Variants in PLA2G12A observed in about 807,000 individuals in gnomAD.
PLA2G12A encodes group XIIA secretory phospholipase A2.
Under a neutral mutation model 16.0 loss-of-function variants are expected in PLA2G12A, and 11 were observed. The ratio of observed to expected loss-of-function variants is 0.69; its 90% CI spans 0.43 to 1.13. The LOEUF is 1.13. PLA2G12A is among the 50% of genes most tolerant of loss of function. The pLI is 0.00. For missense variants in PLA2G12A, 214 were observed against 237.3 expected (o/e 0.90, Z 0.65); for synonymous variants, 77 against 93.8 (o/e 0.82, Z 1.03).
chr4:109,728,458 C>T (rs989948235), intron 1 of PLA2G12A, among the ~76,000 whole-genome samples: 1 of 152,212 alleles, frequency 6.6e-6, no homozygotes, highest in Non-Finnish European at 1.5e-5. Flanking sequence ...ACTTAATCCT[C>T]CGAACAAGTT....
Position 109,713,577 on chromosome 4 carries a change from A to G in PLA2G12A, c.*800T>C, listed in dbSNP as rs540165639. 1 of 152,378 alleles carries G rather than the reference A, an allele frequency of 6.6e-6. No homozygotes were observed. Among genetic ancestry groups the G allele is most frequent in the Admixed American group, 6.5e-5 (1 of 15,300 alleles). The allele number at this position is 152,378 out of a possible 1,614,324, so 9.4% of individuals were successfully genotyped here. ...TAAATATCTTTTCATTTATCTCATTAAATCCATCTTTTCTCTAACTTGGCA... is the reference window on the plus strand; with the variant it reads ...TAAATATCTTTTCATTTATCTCATTGAATCCATCTTTTCTCTAACTTGGCA... On this transcript the variant is annotated 3_prime_UTR_variant, in exon 4 of 4. Coordinates refer to ENST00000243501, the MANE Select transcript of PLA2G12A (RefSeq NM_030821.5).
At chr4:109,720,625 A>G (rs1730921346) in intron 1 of PLA2G12A, among the ~76,000 whole-genome samples, 1 of 130,000 alleles carries the variant, frequency 7.7e-6, no homozygotes, top group South Asian at 2.6e-4. Context: ...ATATATATAT[A>G]TATATATATA....
chr4:109,714,731 A>G (rs1179613889), intron 3 of PLA2G12A, among the ~76,000 whole-genome samples: 1 of 130,182 alleles, frequency 7.7e-6, no homozygotes, highest in Non-Finnish European at 1.7e-5. Context: ...GTTTAACCCA[A>G]TTTTTTTTTT....
chr4:109,728,694 C>G (rs1308846625), intron 1 of PLA2G12A, among the ~76,000 whole-genome samples: 1 of 152,212 alleles, frequency 6.6e-6, no homozygotes, highest in Non-Finnish European at 1.5e-5. Flanking sequence ...TTTAAGTTCA[C>G]CTATACAATC....
intron 3 of PLA2G12A, among the ~76,000 whole-genome samples, chr4:109,715,039 G>T (rs1730802995): frequency 6.6e-6 from 1 of 151,974 alleles, no homozygotes; most frequent in Admixed American, 6.5e-5. Context: ...TCAAACTCCT[G>T]GACTCAGGCA....
intron 1 of PLA2G12A, among the ~76,000 whole-genome samples, chr4:109,722,420 G>A (rs1409401593): frequency 6.6e-6 from 1 of 152,218 alleles, no homozygotes; most frequent in Non-Finnish European, 1.5e-5. Context: ...TAGAAGGTGG[G>A]ACTATTGGAG....
chr4:109,727,366 C>T (rs1172906047), intron 1 of PLA2G12A, among the ~76,000 whole-genome samples: 2 of 152,064 alleles, frequency 1.3e-5, no homozygotes, highest in Admixed American at 1.3e-4. Context: ...CCGCCTCAGC[C>T]TCCCAAAGTG....
intron 3 of PLA2G12A, among the ~76,000 whole-genome samples, chr4:109,715,864 T>C (rs767762189): frequency 1.2e-4 from 19 of 152,248 alleles, no homozygotes; most frequent in Non-Finnish European, 2.5e-4. Flanking sequence ...CCAGGTGAGA[T>C]TATCTTAACA....
intron 3 of PLA2G12A, among the ~76,000 whole-genome samples, chr4:109,715,205 CAG>C (rs1456974774): frequency 6.6e-6 from 1 of 152,290 alleles, no homozygotes; most frequent in African/African-American, 2.4e-5. Context: ...TAATCACTAA[CAG>C]AGTTGTCTGA....
rs1730785093 is a variant in PLA2G12A at position 109,714,122 on chromosome 4, T to C, written c.*255A>G. On this transcript the variant is annotated 3_prime_UTR_variant, in exon 4 of 4. Coordinates refer to ENST00000243501, the MANE Select transcript of PLA2G12A (RefSeq NM_030821.5). ...CCGCTAAACAAGCACTTGTTTTTGA[T>C]ATTGGTCAAGACATTTGGCATACTA... 2.7e-6 allele frequency: 1 copy of C among 376,362 alleles called. No homozygotes were observed. The highest frequency in any genetic ancestry group is 2.0e-5 in the African/African-American group (1 of 50,002). 23.3% of individuals were successfully genotyped at this position (376,362 alleles called of 1,614,324 possible). A position where few individuals can be genotyped will look rare whatever the true frequency, so the allele number is the denominator to read the frequency against.
chr4:109,722,979 G>A (rs774865576), intron 1 of PLA2G12A, among the ~76,000 whole-genome samples: 1 of 152,180 alleles, frequency 6.6e-6, no homozygotes, highest in African/African-American at 2.4e-5. Flanking sequence ...TATCCGTTAA[G>A]AAACCCTGCT....
At chr4:109,718,397 T>C (rs907527623) in intron 2 of PLA2G12A, among the ~76,000 whole-genome samples, 3 of 152,216 alleles carry the variant, frequency 2.0e-5, no homozygotes, top group Non-Finnish European at 4.4e-5. Flanking sequence ...TATCTATACT[T>C]TTTCCCTCTA....
rs755509727 is a variant in PLA2G12A at position 109,718,706 on chromosome 4, C to T, written c.262G>A (p.Gly88Ser). The T allele has an allele frequency of 3.7e-6, 6 of 1,602,720 alleles. No homozygotes were observed. In the Admixed American group the frequency reaches 6.8e-5, roughly 18 times the overall value. The change falls in exon 2 of 4, where the codon GGC becomes AGC. Residue 88 changes from glycine to serine, a missense_variant. Coordinates refer to ENST00000243501, the MANE Select transcript of PLA2G12A (RefSeq NM_030821.5). ...ACATGAACACCAAACAGTGGAGAGC[C>T]ACATCCATTCGGTGGGGAGGGTTTA... ...GYKPSPPNGC[G>S]SPLFGVHLNI...
At chr4:109,718,588 T>C (rs1056216919) in intron 2 of PLA2G12A, 95 bp downstream of exon 2, 7 of 951,632 alleles carry the variant, frequency 7.4e-6, no homozygotes, top group African/African-American at 3.4e-5. Flanking sequence ...GCTAAATTAT[T>C]TGTGAATCTA....
intron 1 of PLA2G12A, among the ~76,000 whole-genome samples, chr4:109,720,589 AAAAAAAAAAAAAAAAATATAT>A (rs1347284461): frequency 9.2e-4 from 44 of 47,980 alleles, no homozygotes; most frequent in Non-Finnish European, 1.5e-3. Context: ...AAAAAAAAAA[AAAAAAAAAAAAAAAAATATAT>A]ATATATATAT....
chr4:109,715,335 A>G (rs952268727), intron 3 of PLA2G12A, among the ~76,000 whole-genome samples: 6 of 152,234 alleles, frequency 3.9e-5, no homozygotes, highest in African/African-American at 1.4e-4. Context: ...GACTGATCAT[A>G]CATCAGTTAA....
rs1730850508 is a variant in PLA2G12A at position 109,717,610 on chromosome 4, T to TA, written c.388dup (p.Tyr130LeufsTer24). The TA allele has an allele frequency of 6.2e-7, 1 of 1,613,656 alleles. No individual in the cohort carries two copies. Among genetic ancestry groups the TA allele is most frequent in the African/African-American group, 1.3e-5 (1 of 74,926 alleles). ...ATCTCGGCAGATCTTGGAGAGGCAA[T>TA]ACTGGAATTCTTCATCACAGTCATT... On this transcript the variant is annotated frameshift_variant, in exon 3 of 4. Coordinates refer to ENST00000243501, the MANE Select transcript of PLA2G12A (RefSeq NM_030821.5). LOFTEE classifies it high-confidence loss of function.
chr4:109,714,774 AC>A (rs1730797571), intron 3 of PLA2G12A, among the ~76,000 whole-genome samples: 1 of 144,852 alleles, frequency 6.9e-6, no homozygotes, highest in African/African-American at 2.6e-5. Flanking sequence ...TCACTCTGAC[AC>A]CCAGAGTGGA....
At chr4:109,722,520 C>T (rs922516417) in intron 1 of PLA2G12A, among the ~76,000 whole-genome samples, 1 of 152,230 alleles carries the variant, frequency 6.6e-6, no homozygotes, top group Non-Finnish European at 1.5e-5. Context: ...CATCCATCAC[C>T]ATGTGAGGAC....
Sources: gnomAD v4.1 joint callset for allele counts (sites outside exome capture counted in the v4.1 genomes callset) on GRCh38, gnomAD v4.1.1 for gene constraint, MANE v1.5 for transcripts, NCBI Gene and HGNC (gene_info 2026-07-23, HGNC 2026-07-21) for gene names.